Variants in RIT2 observed in about 807,000 individuals in gnomAD.
RIT2 encodes the protein GTP-binding protein Rit2.
RIT2 carries 24 observed loss-of-function variants against 23.7 expected under a neutral mutation model. That is an observed-to-expected ratio of 1.01 (90% CI 0.73 to 1.43). The LOEUF (loss-of-function observed/expected upper bound fraction) is 1.43, where lower values mean the gene tolerates loss of function less well. RIT2 is among the 40% of genes most tolerant of loss of function. The pLI is 0.00. For missense variants in RIT2, 236 were observed against 266.9 expected (o/e 0.88, Z 0.81); for synonymous variants, 107 against 91.1 (o/e 1.17, Z -0.99).
intron 4 of RIT2, among the ~76,000 whole-genome samples, chr18:42,832,098 G>A (rs1568007609): frequency 6.6e-6 from 1 of 152,246 alleles, no homozygotes; most frequent in East Asian, 1.9e-4. Flanking sequence ...TTCAGGGCAG[G>A]CAACAACCAG....
intron 2 of RIT2, among the ~76,000 whole-genome samples, chr18:42,989,074 A>T (rs1910780930): frequency 6.6e-6 from 1 of 152,212 alleles, no homozygotes; most frequent in Non-Finnish European, 1.5e-5. Flanking sequence ...ACAGAGAGGG[A>T]CATAATGTGT....
intron 3 of RIT2, among the ~76,000 whole-genome samples, chr18:42,946,505 A>G (rs189710031): frequency 6.6e-6 from 1 of 152,174 alleles, no homozygotes; most frequent in African/African-American, 2.4e-5. Flanking sequence ...TTTTTAAAAT[A>G]TTCTAATAAT....
rs1909104899 is a variant in RIT2, at chr18:42,923,567, C to T, written c.426+5G>A. On this transcript the variant is annotated splice_donor_5th_base_variant and intron_variant, in intron 4 of 4. Transcript: ENST00000326695. Reference sequence around the variant, plus strand: ...CAGAAGCTACCAGATAAAATCGGCACTCACCTGGCGGAACTGTTCCAGATC... The same window carrying T: ...CAGAAGCTACCAGATAAAATCGGCATTCACCTGGCGGAACTGTTCCAGATC... The T allele has an allele frequency of 6.2e-7, 1 of 1,611,614 alleles. No individual in the cohort carries two copies. The highest frequency in any genetic ancestry group is 8.5e-7 in the Non-Finnish European group (1 of 1,178,486).
At chr18:42,894,263 G>A (rs1908261893) in intron 4 of RIT2, among the ~76,000 whole-genome samples, 1 of 152,206 alleles carries the variant, frequency 6.6e-6, no homozygotes, top group South Asian at 2.1e-4. Flanking sequence ...AAAATGCATT[G>A]ATGTCACAAA....
intron 3 of RIT2, among the ~76,000 whole-genome samples, chr18:42,972,543 C>T (rs1345475261): frequency 2.6e-5 from 4 of 151,742 alleles, no homozygotes; most frequent in African/African-American, 7.2e-5. Context: ...TGTAGGTTTT[C>T]AACTTAATAA....
intron 1 of RIT2, among the ~76,000 whole-genome samples, chr18:43,056,685 G>A (rs1020654196): frequency 6.6e-6 from 1 of 152,078 alleles, no homozygotes; most frequent in African/African-American, 2.4e-5. Flanking sequence ...CTGGGCTTGG[G>A]AGCAAAAGCC....
chr18:43,040,956 A>T (rs111991273), intron 1 of RIT2, among the ~76,000 whole-genome samples: 2 of 152,164 alleles, frequency 1.3e-5, no homozygotes, highest in African/African-American at 4.8e-5. Context: ...AACAGAAATT[A>T]TTATTAAAAA....
intron 4 of RIT2, among the ~76,000 whole-genome samples, chr18:42,896,883 A>C (rs532496409): frequency 5.3e-5 from 8 of 152,322 alleles, no homozygotes; most frequent in African/African-American, 1.9e-4. Context: ...CTTAGGTAAC[A>C]GTTTTGTGAC....
chr18:42,915,120 T>C (rs765080573), intron 4 of RIT2, among the ~76,000 whole-genome samples: 12 of 150,500 alleles, frequency 8.0e-5, no homozygotes, highest in Non-Finnish European at 1.6e-4. Flanking sequence ...TCTTGAATTA[T>C]CTAATGCACC....
At chr18:43,033,994 T>A in intron 1 of RIT2, 127 bp from the exon 2 acceptor site, 2 of 592,782 alleles carry the variant, frequency 3.4e-6, no homozygotes, top group Non-Finnish European at 2.9e-6. Flanking sequence ...AGTGACTAAT[T>A]TAATTTCACA....
At chr18:42,949,183 A>G (rs1271600995) in intron 3 of RIT2, 11 of 392,982 alleles carry the variant, frequency 2.8e-5, no homozygotes, top group Admixed American at 4.4e-5. Context: ...CTGCTCCAAA[A>G]GGGGCACATG....
intron 4 of RIT2, among the ~76,000 whole-genome samples, chr18:42,896,972 G>A (rs527608559): frequency 1.3e-5 from 2 of 152,150 alleles, no homozygotes; most frequent in Non-Finnish European, 1.5e-5. Context: ...CAAGGCTTGA[G>A]CATTTTAAAT....
chr18:42,879,436 C>T (rs547851966), intron 4 of RIT2, among the ~76,000 whole-genome samples: 25 of 152,142 alleles, frequency 1.6e-4, no homozygotes. Flanking sequence ...TAAGGCATTG[C>T]TTCACTGTTT....
chr18:43,045,071 C>A (rs1435887773), intron 1 of RIT2, among the ~76,000 whole-genome samples: 2 of 152,120 alleles, frequency 1.3e-5, no homozygotes, highest in African/African-American at 2.4e-5. Context: ...CTAATATTTT[C>A]TCAAGTATTT....
intron 1 of RIT2, among the ~76,000 whole-genome samples, chr18:43,106,580 C>G (rs1302968618): frequency 6.6e-6 from 1 of 152,158 alleles, no homozygotes; most frequent in Non-Finnish European, 1.5e-5. Flanking sequence ...ATAGTTTTCT[C>G]TCTGATTTCC....
At chr18:43,010,898 G>A (rs985106100) in intron 2 of RIT2, among the ~76,000 whole-genome samples, 6 of 151,754 alleles carry the variant, frequency 4.0e-5, no homozygotes, top group African/African-American at 1.5e-4. Flanking sequence ...AGATATATGG[G>A]AGAACAATAG....
In RIT2 at chr18:42,743,585, G is replaced by A; in HGVS notation, c.562C>T (p.Pro188Ser). 6.2e-7 allele frequency: 1 copy of A among 1,613,894 alleles called. No homozygotes were observed. Among genetic ancestry groups the A allele is most frequent in the Non-Finnish European group, 8.5e-7 (1 of 1,179,930 alleles). The change falls in exon 5 of 5, where the codon CCA (proline) becomes TCA (serine). Residue 188 changes from proline (P) to serine (S), a missense_variant. By Grantham distance (74) the Pro-to-Ser change is moderately conservative. Coordinates refer to ENST00000326695, the MANE Select transcript of RIT2 (RefSeq NM_002930.4). ...TTCAGTTTCTTTTCCATCAAGGATG[G>A]CATGGACTCCTTCTTGCGAATTTCC... ...VREIRKKESMPSLMEKKLKRK... is the reference protein window; with the variant it reads ...VREIRKKESMSSLMEKKLKRK...
chr18:43,007,939 T>C (rs1911263662), intron 2 of RIT2, among the ~76,000 whole-genome samples: 1 of 151,706 alleles, frequency 6.6e-6, no homozygotes, highest in African/African-American at 2.4e-5. Context: ...GATATCACCA[T>C]TTTGCAATTC....
chr18:42,780,052 T>TTG (rs1432777204), intron 4 of RIT2, among the ~76,000 whole-genome samples: 2 of 128,422 alleles, frequency 1.6e-5, no homozygotes, highest in African/African-American at 3.0e-5. Flanking sequence ...TAGAGGTTTT[T>TTG]TTTTTTTTTT....
Sources: allele counts gnomAD v4.1 joint callset (sites outside exome capture counted in the v4.1 genomes callset), GRCh38; gene constraint gnomAD v4.1.1; transcripts MANE v1.5; gene names NCBI Gene and HGNC (gene_info 2026-07-23, HGNC 2026-07-21).